Variants in THRAP3 observed in about 807,000 individuals in gnomAD.
THRAP3 encodes thyroid hormone receptor associated protein 3, also known as thyroid hormone receptor-associated protein 3.
Under a neutral mutation model 101.0 loss-of-function variants are expected in THRAP3, and 16 were observed. The ratio of observed to expected loss-of-function variants is 0.16; its 90% CI spans 0.11 to 0.24. The LOEUF is 0.24. Ranked by LOEUF, THRAP3 falls within the 10% of genes least tolerant of loss-of-function variation. The pLI is 1.00. For missense variants in THRAP3, 989 were observed against 1,202.7 expected (o/e 0.82, Z 2.63); for synonymous variants, 407 against 422.6 (o/e 0.96, Z 0.45).
At chr1:36,275,306 G>T (rs1639065327) in intron 2 of THRAP3, among the ~76,000 whole-genome samples, 2 of 91,332 alleles carry the variant, frequency 2.2e-5, no homozygotes, top group Admixed American at 2.5e-4. Context: ...AAAAAAAAAA[G>T]TCTGGGTGTG....
At chr1:36,261,709 A>G (rs142132175) in intron 2 of THRAP3, among the ~76,000 whole-genome samples, 12 of 152,290 alleles carry the variant, frequency 7.9e-5, no homozygotes, top group African/African-American at 2.6e-4. Flanking sequence ...AGCTTCGAGT[A>G]GTATTTTAAA....
At chr1:36,253,706 GT>G (rs1645336721) in intron 1 of THRAP3, among the ~76,000 whole-genome samples, 1 of 149,686 alleles carries the variant, frequency 6.7e-6, no homozygotes, top group Admixed American at 6.7e-5. Flanking sequence ...CGAGCCTCCT[GT>G]CCCAGCTTCC....
At chr1:36,217,184 T>C in the THRAP3 span, among the ~76,000 whole-genome samples, 1 of 152,120 alleles carries the variant, frequency 6.6e-6, no homozygotes, top group Non-Finnish European at 1.5e-5. Context: ...CACACTTAAC[T>C]AGGTAATGCT....
intron 6 of THRAP3, 135 bp downstream of exon 6, chr1:36,291,681 G>A: frequency 1.5e-5 from 14 of 904,580 alleles, no homozygotes; most frequent in Non-Finnish European, 2.3e-5. Flanking sequence ...TGGCTTGAAG[G>A]AAATTCCATT....
chr1:36,218,266 G>A, the THRAP3 span, among the ~76,000 whole-genome samples: 87 of 151,566 alleles, frequency 5.7e-4, 1 homozygote, highest in Admixed American at 1.9e-3. Flanking sequence ...CTACTCGGGA[G>A]GCTGAGGCAG....
rs1019163999 is a variant in THRAP3 at position 36,303,904 on chromosome 1, A to G, written c.2755A>G (p.Ser919Gly). Residue 919 changes from serine to glycine, a missense_variant, in exon 12 of 12, where the codon AGC (serine) becomes GGC (glycine). Ser to Gly is a moderately conservative substitution (Grantham distance 56, BLOSUM62 0). Transcript: ENST00000354618. ...GTTCATGTTCCGGAAATCAAGTACCAGCCCCAAGTGGGCCCATGACAAGTT... is the reference window on the plus strand; with the variant it reads ...GTTCATGTTCCGGAAATCAAGTACCGGCCCCAAGTGGGCCCATGACAAGTT... The part of the protein sequence containing the change: ...GRFMFRKSST[S>G]PKWAHDKFSG... The G allele has an allele frequency of 1.9e-6, 3 of 1,613,646 alleles. No individual in the cohort carries two copies. The African/African-American group carries it at 4.0e-5, about 22-fold the overall frequency.
intron 2 of THRAP3, among the ~76,000 whole-genome samples, chr1:36,274,116 T>C (rs866090059): frequency 2.0e-5 from 3 of 148,472 alleles, no homozygotes; most frequent in African/African-American, 5.0e-5. Flanking sequence ...ACAGACAAAA[T>C]GAGCTGTATT....
intron 1 of THRAP3, among the ~76,000 whole-genome samples, chr1:36,256,859 G>A (rs1446026295): frequency 9.9e-5 from 15 of 151,536 alleles, no homozygotes; most frequent in African/African-American, 3.6e-4. Context: ...GCAGTGGTGC[G>A]ATCTCGGCTC....
chr1:36,210,576 G>A, the THRAP3 span, among the ~76,000 whole-genome samples: 2 of 140,120 alleles, frequency 1.4e-5, no homozygotes, highest in Non-Finnish European at 3.1e-5. Flanking sequence ...CTGTAATCCC[G>A]GCTACTCGGG....
chr1:36,282,395 AAT>A (rs1645743823), intron 2 of THRAP3, 136 bp from the exon 3 acceptor site: 494 of 597,476 alleles, frequency 8.3e-4, no homozygotes, highest in Middle Eastern at 2.0e-3. Context: ...ATTAAAAAAA[AAT>A]TTTTTTTTTT....
At chr1:36,291,332 T>G in intron 5 of THRAP3, 42 bp from the exon 6 acceptor site, 1 of 1,583,182 alleles carries the variant, frequency 6.3e-7, no homozygotes, top group Non-Finnish European at 8.6e-7. Context: ...GTTCTTCCTG[T>G]GTATTGTGTT....
chr1:36,210,962 G>A, the THRAP3 span, among the ~76,000 whole-genome samples: 3 of 149,722 alleles, frequency 2.0e-5, no homozygotes, highest in Non-Finnish European at 4.4e-5. Context: ...ATGTAATCCT[G>A]GCACTCTGGG....
At chr1:36,269,022 A>T (rs953088627) in intron 2 of THRAP3, among the ~76,000 whole-genome samples, 27 of 152,292 alleles carry the variant, frequency 1.8e-4, no homozygotes, top group African/African-American at 6.0e-4. Context: ...CACCGCGCCC[A>T]GCCGAGTTAG....
Position 36,286,521 on chromosome 1 carries a change from C to G in THRAP3, c.291C>G (p.Gly97=). The change falls in exon 4 of 12, where the codon GGC becomes GGG. Residue 97 remains glycine, a synonymous_variant. Coordinates refer to ENST00000354618, the MANE Select transcript of THRAP3 (RefSeq NM_005119.4). This position sits in a 1 kb window ranked among gnomAD's most constrained non-coding sequence, Gnocchi z 5.5. ...RGRNRGFYPW[G]QYNRGGYGNY... ...GTAACAGAGGCTTTTATCCATGGGG[C>G]CAATATAACCGAGGAGGCTATGGAA... is the stretch of plus-strand genomic sequence containing the variant. 10 of 1,614,070 alleles carry G rather than the reference C, an allele frequency of 6.2e-6. No homozygotes were observed. Among genetic ancestry groups the G allele is most frequent in the Non-Finnish European group, 8.5e-6 (10 of 1,180,028 alleles).
chr1:36,231,329 G>A (rs571869505), intron 1 of THRAP3, among the ~76,000 whole-genome samples: 2 of 152,302 alleles, frequency 1.3e-5, no homozygotes, highest in Non-Finnish European at 2.9e-5. Flanking sequence ...AGAGGCATTG[G>A]TCTCACCCCT....
At chr1:36,293,985 A>G (rs893019251) in intron 8 of THRAP3, 50 bp downstream of exon 8, 7 of 1,588,936 alleles carry the variant, frequency 4.4e-6, no homozygotes, top group Non-Finnish European at 6.0e-6. Context: ...TGCGTTGGGC[A>G]TGAACTTGAC....
chr1:36,215,398 T>C, the THRAP3 span, among the ~76,000 whole-genome samples: 3 of 152,128 alleles, frequency 2.0e-5, no homozygotes, highest in Admixed American at 2.0e-4. Flanking sequence ...CCTAACAACA[T>C]TTAGGATGTG....
chr1:36,264,627 G>T (rs1570288760), intron 2 of THRAP3, among the ~76,000 whole-genome samples: 1 of 152,326 alleles, frequency 6.6e-6, no homozygotes, highest in East Asian at 1.9e-4. Flanking sequence ...AGCCCAGAAT[G>T]GAACGTGGAT....
rs560422617 is a variant in THRAP3, at chr1:36,286,454, G to T, written c.224G>T (p.Gly75Val). The change falls in exon 4 of 12, where the codon GGT (glycine) becomes GTT (valine). Residue 75 changes from glycine (G) to valine (V), a missense_variant. By Grantham distance (109) the Gly-to-Val change is moderately radical. Coordinates refer to ENST00000354618, the MANE Select transcript of THRAP3 (RefSeq NM_005119.4). The surrounding 1 kb of genome is among the most constrained non-coding windows in gnomAD (Gnocchi z 5.5). ...PRVYQNRDFR[G>V]HNRGYRRPYY... The stretch of plus-strand genomic sequence containing the variant: ...GTATATCAGAATCGGGATTTCCGAG[G>T]TCACAACAGAGGCTATAGAAGGCCC... 1 of 1,614,164 alleles carries T rather than the reference G, an allele frequency of 6.2e-7. No individual in the cohort carries two copies. The highest frequency in any genetic ancestry group is 1.3e-5 in the African/African-American group (1 of 75,034).
Sources: allele counts gnomAD v4.1 joint callset (sites outside exome capture counted in the v4.1 genomes callset), GRCh38; gene constraint gnomAD v4.1.1; non-coding constraint Gnocchi (gnomAD v3.1); transcripts MANE v1.5; gene names NCBI Gene and HGNC (gene_info 2026-07-23, HGNC 2026-07-21).